Variants in AGBL1 observed in about 807,000 individuals in gnomAD.
AGBL1 encodes the protein AGBL carboxypeptidase 1, also known as cytosolic carboxypeptidase 4.
In AGBL1, 130 loss-of-function variants were observed where a neutral mutation model predicts 118.9. That is an observed-to-expected ratio of 1.09 (90% CI 0.95 to 1.26). The LOEUF (loss-of-function observed/expected upper bound fraction) is 1.26, where lower values mean the gene tolerates loss of function less well. Among genes scored for constraint, AGBL1 ranks in the 50% most tolerant of loss-of-function variants. The pLI is 0.00. For missense variants in AGBL1, 1,584 were observed against 1,298.1 expected, an observed-to-expected ratio of 1.22 and a Z score of -3.38; for synonymous variants, 555 against 478.9, an observed-to-expected ratio of 1.16 and a Z score of -2.08.
At chr15:86,652,579 G>C (rs909274625) in intron 21 of AGBL1, among the ~76,000 whole-genome samples, 2 of 151,872 alleles carry the variant, frequency 1.3e-5, no homozygotes, top group Non-Finnish European at 2.9e-5. Flanking sequence ...ACATTTGTTT[G>C]GGTAAGACCT....
At chr15:86,173,002 G>T (rs1156589021) in intron 5 of AGBL1, among the ~76,000 whole-genome samples, 1 of 151,504 alleles carries the variant, frequency 6.6e-6, no homozygotes, top group Non-Finnish European at 1.5e-5. Flanking sequence ...CCACATCCTT[G>T]CCAGCATCTG....
chr15:86,432,446 T>C (rs1304988523), intron 18 of AGBL1, among the ~76,000 whole-genome samples: 3 of 152,170 alleles, frequency 2.0e-5, no homozygotes, highest in African/African-American at 7.2e-5. Flanking sequence ...AGCTAATGTT[T>C]TTCTCATGAT....
intron 21 of AGBL1, among the ~76,000 whole-genome samples, chr15:86,637,546 A>T (rs1567096319): frequency 6.6e-6 from 1 of 152,182 alleles, no homozygotes; most frequent in South Asian, 2.1e-4. Flanking sequence ...ATTCTGTGCT[A>T]TGGGAATTCT....
At chr15:86,811,509 A>G (rs1290297107) in intron 22 of AGBL1, among the ~76,000 whole-genome samples, 3 of 152,134 alleles carry the variant, frequency 2.0e-5, no homozygotes, top group Non-Finnish European at 4.4e-5. Flanking sequence ...TATATTCCCA[A>G]TGTTCCAACA....
At chr15:86,687,275 C>T (rs1351417328) in intron 22 of AGBL1, among the ~76,000 whole-genome samples, 8 of 152,130 alleles carry the variant, frequency 5.3e-5, no homozygotes, top group Non-Finnish European at 1.5e-5. Context: ...TCAGGCACCT[C>T]TGTCTGCAAA....
At chr15:86,225,684 T>G (rs1293923737) in intron 6 of AGBL1, among the ~76,000 whole-genome samples, 6 of 152,200 alleles carry the variant, frequency 3.9e-5, no homozygotes, top group Non-Finnish European at 7.3e-5. Context: ...TACTCATTTT[T>G]TCCTCCTTAC....
chr15:86,442,396 C>A (rs1249775320), intron 18 of AGBL1, among the ~76,000 whole-genome samples: 1 of 152,130 alleles, frequency 6.6e-6, no homozygotes. Flanking sequence ...TCTTTTCTGG[C>A]CTAGATGCCT....
intron 12 of AGBL1, 47 bp downstream of exon 12, chr15:86,266,504 CT>C (rs1225538838): frequency 7.5e-7 from 1 of 1,341,692 alleles, no homozygotes; most frequent in Non-Finnish European, 1.0e-6. Context: ...GGAGAATTCT[CT>C]TAATGGCATG....
At chr15:86,313,279 T>G (rs1383800538) in intron 17 of AGBL1, among the ~76,000 whole-genome samples, 1 of 152,190 alleles carries the variant, frequency 6.6e-6, no homozygotes, top group Non-Finnish European at 1.5e-5. Flanking sequence ...AGGTATATAA[T>G]GTAGTCTTGT....
chr15:86,295,107 C>T (rs35186403), intron 16 of AGBL1, 148 bp from the exon 17 acceptor site: 397,680 of 850,558 alleles, frequency 0.47, 99,528 homozygotes, highest in Non-Finnish European at 0.53. Flanking sequence ...AGAAATAGCC[C>T]CCTTTTAATC....
chr15:86,904,792 G>T (rs1006536891), intron 22 of AGBL1, among the ~76,000 whole-genome samples: 4 of 150,628 alleles, frequency 2.7e-5, no homozygotes, highest in African/African-American at 9.9e-5. Context: ...AAATTAAAAA[G>T]TAATTCCACA....
At chr15:86,409,396 T>A (rs999693656) in intron 18 of AGBL1, among the ~76,000 whole-genome samples, 6 of 152,168 alleles carry the variant, frequency 3.9e-5, no homozygotes, top group South Asian at 4.1e-4. Context: ...TAGTGTTAAA[T>A]GATGCATAGT....
intron 18 of AGBL1, among the ~76,000 whole-genome samples, chr15:86,492,837 G>A (rs998532858): frequency 6.6e-6 from 1 of 152,086 alleles, no homozygotes; most frequent in Non-Finnish European, 1.5e-5. Context: ...TGGAGATGCG[G>A]TAGGACTAAC....
At chr15:86,999,370 C>T (rs190871293) in intron 24 of AGBL1, among the ~76,000 whole-genome samples, 3 of 146,698 alleles carry the variant, frequency 2.0e-5, no homozygotes, top group Admixed American at 2.0e-4. Context: ...ATCCCTCCCC[C>T]CTGCCACCAC....
rs2084702101 is a variant in AGBL1 at position 86,615,002 on chromosome 15, A to G, written c.2995-59271A>G. Among the ~76,000 whole-genome samples, 1 of 152,192 alleles carries G rather than the reference A, an allele frequency of 6.6e-6. No individual in the cohort carries two copies. The highest frequency in any genetic ancestry group is 6.5e-5 in the Admixed American group (1 of 15,282). ...TCTAAGATGAGCAAAGAAAACTAGA[A>G]TGGTGAGAGTTCATGGCAGGGCAAT... is the stretch of plus-strand genomic sequence containing the variant. On this transcript the variant is annotated intron_variant, in intron 21 of 22. Coordinates refer to ENST00000614907, the MANE Select transcript of AGBL1 (RefSeq NM_001386094.1). This position sits in a 1 kb window ranked among gnomAD's most constrained non-coding sequence, Gnocchi z 4.3.
intron 6 of AGBL1, among the ~76,000 whole-genome samples, chr15:86,229,237 T>C (rs2078417038): frequency 6.6e-6 from 1 of 152,168 alleles, no homozygotes; most frequent in Admixed American, 6.5e-5. Context: ...TACCTGAGGC[T>C]GGGTAATTTA....
chr15:86,778,778 T>C (rs1839986), intron 22 of AGBL1, among the ~76,000 whole-genome samples: 15,616 of 152,124 alleles, frequency 0.1, 880 homozygotes, highest in Admixed American at 0.13. Context: ...GCAACATACA[T>C]CCTCCTCAGT....
Position 86,471,498 on chromosome 15 carries a change from G to GT in AGBL1, c.2556-51295dup, listed in dbSNP as rs375141045. Among the ~76,000 whole-genome samples, 1,179 of 142,466 alleles carry GT rather than the reference G, an allele frequency of 8.3e-3. 8 individuals are homozygous for GT. Among genetic ancestry groups the GT allele is most frequent in the Middle Eastern group, 0.018 (5 of 284 alleles). 93.5% of individuals were successfully genotyped at this position (142,466 alleles called of 152,430 possible). A position where few individuals can be genotyped will look rare whatever the true frequency, so the allele number is the denominator to read the frequency against. The stretch of plus-strand genomic sequence containing the variant: ...TGTTAATCAAGGATATTGGCCTATA[G>GT]TTTTTTTTTTTTTTTTTATAGCTTC... On this transcript the variant is annotated intron_variant, in intron 18 of 22. Transcript: ENST00000614907.
chr15:86,975,077 C>T (rs1326104990), intron 23 of AGBL1, among the ~76,000 whole-genome samples: 1 of 151,978 alleles, frequency 6.6e-6, no homozygotes, highest in Non-Finnish European at 1.5e-5. Context: ...TAATCCTCCC[C>T]TCAACTTTCT....
Sources: allele counts gnomAD v4.1 joint callset (sites outside exome capture counted in the v4.1 genomes callset), GRCh38; gene constraint gnomAD v4.1.1; non-coding constraint Gnocchi (gnomAD v3.1); transcripts MANE v1.5; gene names NCBI Gene and HGNC (gene_info 2026-07-23, HGNC 2026-07-21).